Variants in ABCA5 observed in about 807,000 individuals in gnomAD.
ABCA5 encodes the protein ATP binding cassette subfamily A member 5, also known as cholesterol transporter ABCA5.
ABCA5 carries 163 observed loss-of-function variants against 206.0 expected under a neutral mutation model. The observed-to-expected ratio is 0.79, with a 90% confidence interval of 0.70 to 0.90. The LOEUF (loss-of-function observed/expected upper bound fraction) is 0.90, where lower values mean the gene tolerates loss of function less well. Ranked by LOEUF, ABCA5 falls within the 40% of genes least tolerant of loss-of-function variation. ABCA5 has a pLI of 0.00. For synonymous variants in ABCA5, 609 were observed against 613.8 expected, an observed-to-expected ratio of 0.99 and a Z score of 0.11; for missense variants, 1,859 against 1,912.9, an observed-to-expected ratio of 0.97 and a Z score of 0.53.
chr17:69,280,002 G>T (rs1598172655), intron 18 of ABCA5, among the ~76,000 whole-genome samples: 1 of 152,140 alleles, frequency 6.6e-6, no homozygotes, highest in African/African-American at 2.4e-5. Flanking sequence ...AACACCAAAA[G>T]CAATAGCAAC....
chr17:69,294,592 T>C, intron 11 of ABCA5, 63 bp downstream of exon 11: 1 of 1,323,234 alleles, frequency 7.6e-7, no homozygotes, highest in Non-Finnish European at 1.1e-6. Flanking sequence ...CCACAAGCTA[T>C]GCAAATTATT....
intron 14 of ABCA5, 147 bp from the exon 15 acceptor site, chr17:69,287,898 G>T: frequency 1.3e-6 from 1 of 796,500 alleles, no homozygotes; most frequent in Non-Finnish European, 1.7e-6. Flanking sequence ...TCATAATTGA[G>T]TTCACATAAA....
At chr17:69,318,725 T>TAGAC (rs2145050760) in intron 1 of ABCA5, 1 of 607,804 alleles carries the variant, frequency 1.6e-6, no homozygotes, top group South Asian at 1.6e-5. Context: ...ACCTGTGGAG[T>TAGAC]AGACACCATG....
chr17:69,311,643 C>T (rs550796449), intron 3 of ABCA5, among the ~76,000 whole-genome samples: 3 of 152,244 alleles, frequency 2.0e-5, no homozygotes, highest in South Asian at 4.2e-4. Context: ...GCACCCACCA[C>T]CATGGCTGGA....
rs1319015663 is a variant in ABCA5, at chr17:69,249,512, A to G, written c.4765+393T>C. 3 of 180,452 alleles carry G rather than the reference A, an allele frequency of 1.7e-5. No individual in the cohort carries two copies. The Admixed American group carries it at 1.9e-4, about 11-fold the overall frequency. The allele number at this position is 180,452 out of a possible 1,614,324, so 11.2% of individuals were successfully genotyped here. A position where few individuals can be genotyped will look rare whatever the true frequency, so the allele number is the denominator to read the frequency against. ...CCAGTATGAAGTAAGGATTCAAGAA[A>G]CTCAGAGCTCTTGCTGCTGGACTAA... On this transcript the variant is annotated intron_variant, in intron 37 of 38. Transcript: ENST00000392676.
chr17:69,299,861 C>T (rs2075633089), intron 9 of ABCA5, among the ~76,000 whole-genome samples: 1 of 151,726 alleles, frequency 6.6e-6, no homozygotes, highest in Non-Finnish European at 1.5e-5. Context: ...ATAATAAAAC[C>T]TCAAAAAAAG....
At chr17:69,271,320 A>C in intron 20 of ABCA5, 31 bp from the exon 21 acceptor site, 1 of 1,591,866 alleles carries the variant, frequency 6.3e-7, no homozygotes, top group Non-Finnish European at 8.5e-7. Context: ...AATAATAAAA[A>C]ATGAGTCTAA....
chr17:69,278,246 A>T (rs1228486258), intron 18 of ABCA5, among the ~76,000 whole-genome samples: 1 of 152,214 alleles, frequency 6.6e-6, no homozygotes, highest in Non-Finnish European at 1.5e-5. Context: ...CACATGGTAT[A>T]ATTCCACTAG....
intron 23 of ABCA5, 108 bp from the exon 24 acceptor site, chr17:69,265,013 A>T: frequency 1.4e-6 from 1 of 727,900 alleles, no homozygotes; most frequent in Admixed American, 4.0e-5. Context: ...CAAAACCAAA[A>T]AGGTTACATT....
rs764292160 is a variant in ABCA5 at position 69,246,917 on chromosome 17, C to T, written c.*620G>A. 2.6e-5 allele frequency: 4 copies of T among 151,840 alleles called. No homozygotes were observed. Among genetic ancestry groups the T allele is most frequent in the Non-Finnish European group, 5.9e-5 (4 of 67,792 alleles). 9.4% of individuals were successfully genotyped at this position (151,840 alleles called of 1,614,324 possible). A position where few individuals can be genotyped will look rare whatever the true frequency, so the allele number is the denominator to read the frequency against. Reference sequence around the variant, plus strand: ...AATGTAATTTCACATACCTAATTACCTAAGCCTAAAATCATGTACTAGAAC... The same window carrying T: ...AATGTAATTTCACATACCTAATTACTTAAGCCTAAAATCATGTACTAGAAC... On this transcript the variant is annotated 3_prime_UTR_variant, in exon 39 of 39. Transcript: ENST00000392676.
intron 13 of ABCA5, 135 bp downstream of exon 13, chr17:69,289,727 G>T: frequency 1.4e-6 from 1 of 709,202 alleles, no homozygotes; most frequent in East Asian, 3.0e-5. Flanking sequence ...CTAATTCTTT[G>T]TAATAGCTTT....
intron 37 of ABCA5, 89 bp from the exon 38 acceptor site, chr17:69,248,406 T>C (rs539305577): frequency 9.8e-6 from 7 of 717,596 alleles, no homozygotes; most frequent in African/African-American, 9.0e-5. Context: ...TTTTAAAATA[T>C]CTCTGTAATC....
At position 69,302,708 on chromosome 17, in the gene ABCA5, T is replaced by G. The variant is rs2075664903; in HGVS notation, c.1119+10A>C. On this transcript the variant is annotated intron_variant, in intron 8 of 38. Coordinates refer to ENST00000392676, the MANE Select transcript of ABCA5 (RefSeq NM_172232.4). ...ATATTTAGTGAATGCAAGATTAATATATTACCTACCTGTGCAATACCAATC... is the reference window on the plus strand; with the variant it reads ...ATATTTAGTGAATGCAAGATTAATAGATTACCTACCTGTGCAATACCAATC... 3.4e-6 allele frequency: 5 copies of G among 1,476,990 alleles called. No individual in the cohort carries two copies. The highest frequency in any genetic ancestry group is 4.5e-6 in the Non-Finnish European group (5 of 1,117,132). The allele number at this position is 1,476,990 out of a possible 1,614,324, so 91.5% of individuals were successfully genotyped here. A position where few individuals can be genotyped will look rare whatever the true frequency, so the allele number is the denominator to read the frequency against.
intron 6 of ABCA5, 28 bp from the exon 7 acceptor site, chr17:69,304,838 G>A: frequency 6.5e-7 from 1 of 1,538,190 alleles, no homozygotes; most frequent in Non-Finnish European, 8.7e-7. Flanking sequence ...ATATAGTTAT[G>A]GTCAAATGCA....
chr17:69,264,802 A>C lies in ABCA5; in HGVS notation c.3248T>G (p.Leu1083Trp). The part of the protein sequence containing the change: ...DIPLFFIILI[L>W]MLGSLLAFHY... ...AAATGCCAATAAGCTTCCTAGCATC[A>C]AAATAAGAATGATAAAAAATAAGGG... Residue 1083 changes from leucine to tryptophan, a missense_variant, in exon 24 of 39, where the codon TTG becomes TGG. Transcript: ENST00000392676. 1 of 1,599,472 alleles carries C rather than the reference A, an allele frequency of 6.3e-7. No individual in the cohort carries two copies. The highest frequency in any genetic ancestry group is 1.7e-4 in the Middle Eastern group (1 of 6,006).
chr17:69,314,070 A>T (rs1446100266), intron 2 of ABCA5, among the ~76,000 whole-genome samples: 1 of 152,204 alleles, frequency 6.6e-6, no homozygotes, highest in Non-Finnish European at 1.5e-5. Context: ...AAAAGCTGAA[A>T]ATGAAGCACA....
chr17:69,251,913 T>TA lies in ABCA5; in HGVS notation c.4416-48dup, dbSNP rs201178598. 1.2e-3 allele frequency: 1,791 copies of TA among 1,556,228 alleles called. 2 individuals carry two copies. The highest frequency in any genetic ancestry group is 9.2e-3 in the African/African-American group (657 of 71,402). ...AAAAGAGAGGAACACATCTGTTTGTTAAAAAAAAATGGGTTTTTAAAAATC... is the reference window on the plus strand; with the variant it reads ...AAAAGAGAGGAACACATCTGTTTGTTAAAAAAAAAATGGGTTTTTAAAAATC... On this transcript the variant is annotated intron_variant, in intron 34 of 38. Coordinates refer to ENST00000392676, the MANE Select transcript of ABCA5 (RefSeq NM_172232.4).
In ABCA5 at chr17:69,286,035, A is replaced by G. The variant is rs752513645; in HGVS notation, c.2135T>C (p.Met712Thr). The G allele has an allele frequency of 6.2e-7, 1 of 1,600,674 alleles. No homozygotes were observed. Among genetic ancestry groups the G allele is most frequent in the African/African-American group, 1.3e-5 (1 of 74,318 alleles). ...SKWGIGYRLS[M>T]YIDKYCATES... ...TGTGGCACAATATTTGTCTATGTAC[A>G]TGCTAGAGAATACCAAAAATCACAA... Residue 712 changes from methionine to threonine, a missense_variant and splice_region_variant, in exon 17 of 39, where the codon ATG (methionine) becomes ACG (threonine). Transcript: ENST00000392676.
At chr17:69,256,026 T>A in intron 29 of ABCA5, 131 bp downstream of exon 29, 1 of 1,275,534 alleles carries the variant, frequency 7.8e-7, no homozygotes, top group Non-Finnish European at 1.1e-6. Context: ...GTAAACGAAG[T>A]ATTTTTTTCC....
Sources: allele counts gnomAD v4.1 joint callset (sites outside exome capture counted in the v4.1 genomes callset), GRCh38; gene constraint gnomAD v4.1.1; transcripts MANE v1.5; gene names NCBI Gene and HGNC (gene_info 2026-07-23, HGNC 2026-07-21).